POU6F2: variants seen among roughly 807,000 people sequenced by gnomAD.
POU6F2 encodes the protein POU domain, class 6, transcription factor 2.
Under a neutral mutation model 71.3 loss-of-function variants are expected in POU6F2, and 31 were observed. The observed-to-expected ratio is 0.43, with a 90% CI of 0.33 to 0.59. The LOEUF is 0.59. POU6F2 is among the 20% of genes least tolerant of loss of function. The probability of loss-of-function intolerance (pLI) is 0.04; values close to 1 mark genes in which losing one functional copy is unlikely to be tolerated. For missense variants in POU6F2, 783 were observed against 856.8 expected, an observed-to-expected ratio of 0.91 and a Z score of 1.07; for synonymous variants, 347 against 355.7, an observed-to-expected ratio of 0.98 and a Z score of 0.27.
chr7:39,199,754 A>C (rs1793859189), intron 2 of POU6F2, among the ~76,000 whole-genome samples: 1 of 152,176 alleles, frequency 6.6e-6, no homozygotes, highest in African/African-American at 2.4e-5. Context: ...CCTGGGACCA[A>C]TGGTGTTGAG....
intron 2 of POU6F2, among the ~76,000 whole-genome samples, chr7:39,164,019 A>G (rs1038976846): frequency 2.0e-5 from 3 of 152,178 alleles, no homozygotes; most frequent in Admixed American, 1.3e-4. Context: ...CAAGAGATCT[A>G]CTATAAATCA....
At chr7:39,002,054 A>G (rs1788931533) in intron 1 of POU6F2, 1 of 152,216 alleles carries the variant, frequency 6.6e-6, no homozygotes, top group South Asian at 2.1e-4. Flanking sequence ...TAACTCCTTG[A>G]CATGTTATCA....
chr7:39,144,693 G>A (rs983206661), intron 2 of POU6F2, among the ~76,000 whole-genome samples: 3 of 152,160 alleles, frequency 2.0e-5, no homozygotes, highest in East Asian at 1.9e-4. Context: ...GTACCTCCAC[G>A]GGAATCATCA....
At chr7:39,077,072 C>T (rs1791017448) in intron 1 of POU6F2, among the ~76,000 whole-genome samples, 1 of 152,154 alleles carries the variant, frequency 6.6e-6, no homozygotes, top group Admixed American at 6.5e-5. Flanking sequence ...TATTTGAAGC[C>T]ATCAGATTAT....
intron 6 of POU6F2, among the ~76,000 whole-genome samples, chr7:39,427,277 C>T (rs1219551670): frequency 9.2e-5 from 14 of 152,126 alleles, no homozygotes; most frequent in Admixed American, 9.2e-4. Flanking sequence ...AGACTGAGAT[C>T]CTAAGAGGTA....
At chr7:39,370,752 C>T (rs774849326) in intron 5 of POU6F2, among the ~76,000 whole-genome samples, 1 of 152,146 alleles carries the variant, frequency 6.6e-6, no homozygotes, top group Non-Finnish European at 1.5e-5. Flanking sequence ...AAGTAGATTG[C>T]CTCATAGAAC....
intron 1 of POU6F2, among the ~76,000 whole-genome samples, chr7:38,983,212 C>T (rs938903150): frequency 9.9e-5 from 15 of 152,126 alleles, no homozygotes; most frequent in Middle Eastern, 3.4e-3. Flanking sequence ...TTAATTTGAA[C>T]GCTAAAAGAA....
intron 1 of POU6F2, among the ~76,000 whole-genome samples, chr7:39,017,652 C>CGGTA (rs1789588621): frequency 1.3e-5 from 2 of 152,172 alleles, no homozygotes; most frequent in East Asian, 3.9e-4. Context: ...CTTATCCACC[C>CGGTA]TGGGGTAGCC....
At chr7:39,069,458 T>C (rs1410200060) in intron 1 of POU6F2, among the ~76,000 whole-genome samples, 1 of 152,176 alleles carries the variant, frequency 6.6e-6, no homozygotes, top group Non-Finnish European at 1.5e-5. Flanking sequence ...GCATGGTTTT[T>C]AAGTCCCACT....
chr7:39,031,997 C>T (rs1365113159), intron 1 of POU6F2, among the ~76,000 whole-genome samples: 1 of 152,104 alleles, frequency 6.6e-6, no homozygotes, highest in African/African-American at 2.4e-5. Context: ...CCCACTGAAT[C>T]CGACTTGTGA....
intron 4 of POU6F2, among the ~76,000 whole-genome samples, chr7:39,238,337 C>T (rs535291866): frequency 3.7e-4 from 56 of 152,226 alleles, no homozygotes; most frequent in Non-Finnish European, 7.2e-4. Flanking sequence ...TCCTCTCCCT[C>T]CTTAGACTAA....
chr7:39,059,202 G>A (rs533756806), intron 1 of POU6F2, among the ~76,000 whole-genome samples: 17 of 152,190 alleles, frequency 1.1e-4, no homozygotes, highest in South Asian at 4.1e-4. Context: ...GAACTCAGTC[G>A]TAAGCTTCAA....
intron 4 of POU6F2, among the ~76,000 whole-genome samples, chr7:39,280,798 G>A (rs1784549154): frequency 6.6e-6 from 1 of 152,194 alleles, no homozygotes; most frequent in African/African-American, 2.4e-5. Context: ...CTAAACTGAA[G>A]CACTGGGAAT....
chr7:39,216,392 G>C (rs12537003), intron 4 of POU6F2, among the ~76,000 whole-genome samples: 1 of 152,114 alleles, frequency 6.6e-6, no homozygotes, highest in African/African-American at 2.4e-5. Context: ...AATGGGTAAC[G>C]AATATATGGG....
intron 6 of POU6F2, among the ~76,000 whole-genome samples, chr7:39,422,632 G>A (rs1787876862): frequency 6.6e-6 from 1 of 152,188 alleles, no homozygotes; most frequent in Non-Finnish European, 1.5e-5. Flanking sequence ...TTATGACTGT[G>A]GTGCGGCCAC....
At chr7:39,007,734 A>T (rs1011819742) in intron 1 of POU6F2, among the ~76,000 whole-genome samples, 5 of 150,814 alleles carry the variant, frequency 3.3e-5, no homozygotes, top group African/African-American at 9.8e-5. Flanking sequence ...TGTCCATGTG[A>T]TCTCATTGTT....
At chr7:39,328,886 GATGCCGTCTTTCTGTACTTCCCGTA>G (rs1178385522) in intron 4 of POU6F2, 1 of 152,220 alleles carries the variant, frequency 6.6e-6, no homozygotes, top group Non-Finnish European at 1.5e-5. Flanking sequence ...TGGCTTCTGT[GATGCCGTCTTTCTGTACTTCCCGTA>G]ATGACTAACC....
At chr7:39,287,468 T>C (rs1470047670) in intron 4 of POU6F2, among the ~76,000 whole-genome samples, 2 of 152,154 alleles carry the variant, frequency 1.3e-5, no homozygotes, top group African/African-American at 4.8e-5. Context: ...CCTTAGCTTC[T>C]CATCAAAAAA....
chr7:39,445,055 G>T lies in POU6F2; in HGVS notation c.1321-6478G>T, dbSNP rs138681605. 6.8e-3 allele frequency among the ~76,000 whole-genome samples: 1,038 copies of T among 152,204 alleles called. 7 individuals carry two copies. Among genetic ancestry groups the T allele is most frequent in the Non-Finnish European group, 0.011 (716 of 68,008 alleles). On this transcript the variant is annotated intron_variant, in intron 7 of 9. Coordinates refer to ENST00000518318, the MANE Select transcript of POU6F2 (RefSeq NM_001370959.1). ...CAATTTTTCCTCAAAAGGTAATCTT[G>T]GTACTAACAGAAAACCAATGAGAGA... is the stretch of plus-strand genomic sequence containing the variant.
Sources: gnomAD v4.1 joint callset for allele counts (sites outside exome capture counted in the v4.1 genomes callset) on GRCh38, gnomAD v4.1.1 for gene constraint, MANE v1.5 for transcripts, NCBI Gene and HGNC (gene_info 2026-07-23, HGNC 2026-07-21) for gene names.